The following FER variants were observed in gnomAD, a reference collection of about 807,000 sequenced individuals.
FER encodes the protein FER tyrosine kinase, also known as tyrosine-protein kinase Fer.
FER carries 63 observed loss-of-function variants against 111.0 expected under a neutral mutation model. That is an observed-to-expected ratio of 0.57 (90% confidence interval 0.46 to 0.70). The LOEUF (loss-of-function observed/expected upper bound fraction) is 0.70. Among genes scored for constraint, FER ranks in the 30% least tolerant of loss-of-function variants. FER has a pLI of 0.00. For synonymous variants in FER, 327 were observed against 313.9 expected, an observed-to-expected ratio of 1.04 and a Z score of -0.44; for missense variants, 914 against 954.0, an observed-to-expected ratio of 0.96 and a Z score of 0.55.
chr5:109,091,281 T>C (rs548968199), intron 16 of FER, among the ~76,000 whole-genome samples: 59 of 152,316 alleles, frequency 3.9e-4, no homozygotes, highest in Admixed American at 1.5e-3. Context: ...CCAGGGATGC[T>C]TCAAGTTTCT....
Position 109,192,086 on chromosome 5 carries a change from TTAA to T in FER, c.*4515_*4517del, listed in dbSNP as rs1759424033. The T allele has an allele frequency of 5.3e-5, 8 of 151,926 alleles. No homozygotes were observed. In the South Asian group the frequency reaches 1.2e-3, roughly 24 times the overall value. The allele number at this position is 151,926 out of a possible 1,614,324, so 9.4% of individuals were successfully genotyped here. On this transcript the variant is annotated 3_prime_UTR_variant, in exon 20 of 20. Coordinates refer to ENST00000281092, the MANE Select transcript of FER (RefSeq NM_005246.4). Reference sequence around the variant, plus strand: ...TAGGCATTAGGAATCACTTAGCCACTTAATAAGGACTGAGATTCTTGGGTGGCA... The same window carrying T: ...TAGGCATTAGGAATCACTTAGCCACTTAAGGACTGAGATTCTTGGGTGGCA...
intron 17 of FER, among the ~76,000 whole-genome samples, chr5:109,126,192 A>G (rs1751696126): frequency 1.3e-5 from 2 of 152,212 alleles, no homozygotes; most frequent in South Asian, 4.1e-4. Context: ...GTAGGGTGAG[A>G]TAGCTGCTTA....
intron 16 of FER, among the ~76,000 whole-genome samples, chr5:109,089,493 T>G (rs1318450209): frequency 1.3e-5 from 2 of 152,024 alleles, no homozygotes; most frequent in Non-Finnish European, 2.9e-5. Context: ...AAGTCAAAAG[T>G]GAGAAAGGAG....
chr5:108,799,298 G>T (rs1373253542), intron 3 of FER, among the ~76,000 whole-genome samples: 2 of 152,116 alleles, frequency 1.3e-5, no homozygotes, highest in Non-Finnish European at 2.9e-5. Context: ...TTCTTGCTTT[G>T]TTACTTCCAG....
intron 17 of FER, among the ~76,000 whole-genome samples, chr5:109,155,983 T>G (rs1361741713): frequency 2.0e-5 from 3 of 151,808 alleles, no homozygotes; most frequent in African/African-American, 7.3e-5. Context: ...AAGTGGCAAA[T>G]AAGAGAAAGT....
chr5:109,059,517 A>G (rs890719067), intron 16 of FER, among the ~76,000 whole-genome samples: 4 of 151,998 alleles, frequency 2.6e-5, no homozygotes, highest in African/African-American at 9.7e-5. Context: ...ACAGAGTGAG[A>G]CTCCATCTCA....
At chr5:109,186,152 A>G (rs763900081) in intron 18 of FER, 48 bp from the exon 19 acceptor site, 4 of 1,613,676 alleles carry the variant, frequency 2.5e-6, no homozygotes, top group Non-Finnish European at 3.4e-6. Context: ...AGGGTCACCT[A>G]CTTGTCTACT....
chr5:108,916,794 T>C (rs528768012), intron 10 of FER, among the ~76,000 whole-genome samples: 174 of 152,280 alleles, frequency 1.1e-3, no homozygotes, highest in Middle Eastern at 3.4e-3. Context: ...ATTCAAATAA[T>C]CATGAAAACT....
chr5:108,977,829 A>G (rs1417592207), intron 13 of FER, among the ~76,000 whole-genome samples: 2 of 152,098 alleles, frequency 1.3e-5, no homozygotes, highest in African/African-American at 4.8e-5. Context: ...GACACTTGTG[A>G]AGCGACTCCT....
At chr5:109,030,408 T>A (rs770291551) in intron 13 of FER, among the ~76,000 whole-genome samples, 4 of 152,352 alleles carry the variant, frequency 2.6e-5, no homozygotes, top group Non-Finnish European at 4.4e-5. Context: ...ATCTATTATG[T>A]TAGGACATCT....
intron 17 of FER, among the ~76,000 whole-genome samples, chr5:109,163,680 C>T (rs187328844): frequency 4.6e-5 from 7 of 152,028 alleles, no homozygotes; most frequent in Admixed American, 2.0e-4. Context: ...CTCCTGCGCT[C>T]GATCCTCCTG....
intron 2 of FER, among the ~76,000 whole-genome samples, chr5:108,776,222 T>C (rs1225536439): frequency 6.6e-6 from 1 of 152,166 alleles, no homozygotes. Context: ...GAAGGATTTC[T>C]TATTTCTGTT....
chr5:108,998,688 G>T (rs1235396280), intron 13 of FER, among the ~76,000 whole-genome samples: 1 of 152,026 alleles, frequency 6.6e-6, no homozygotes, highest in Admixed American at 6.5e-5. Flanking sequence ...TTTTATCGAA[G>T]GCCTTTTCTG....
Position 108,808,370 on chromosome 5 carries a change from A to AT in FER, c.207+9990dup, listed in dbSNP as rs762382920. Among the ~76,000 whole-genome samples the AT allele has an allele frequency of 2.9e-4, 43 of 148,802 alleles. No homozygotes were observed. In the East Asian group the frequency reaches 4.1e-3, roughly 14 times the overall value. On this transcript the variant is annotated intron_variant, in intron 3 of 19. Coordinates refer to ENST00000281092, the MANE Select transcript of FER (RefSeq NM_005246.4). Reference sequence around the variant, plus strand: ...TTAGTATCATTATTACTTCTTGTCCATTTTTTTTTGTTGGTCCAACATTTG... The same window carrying AT: ...TTAGTATCATTATTACTTCTTGTCCATTTTTTTTTTGTTGGTCCAACATTTG...
rs1241838361 is a variant in FER, at chr5:109,034,881, G to A, written c.1657-2541G>A. On this transcript the variant is annotated intron_variant, in intron 13 of 19. Transcript: ENST00000281092. ...TTTGCTTATATATAGGGTTTGGGGTGGAGAATTAAACCCCAGAACTGCTAA... is the reference window on the plus strand; with the variant it reads ...TTTGCTTATATATAGGGTTTGGGGTAGAGAATTAAACCCCAGAACTGCTAA... 2.6e-5 allele frequency among the ~76,000 whole-genome samples: 4 copies of A among 151,818 alleles called. No individual in the cohort carries two copies. In the East Asian group the frequency reaches 5.8e-4, roughly 22 times the overall value.
At chr5:108,788,725 A>G (rs1755028388) in intron 2 of FER, among the ~76,000 whole-genome samples, 1 of 152,080 alleles carries the variant, frequency 6.6e-6, no homozygotes, top group Non-Finnish European at 1.5e-5. Flanking sequence ...GTCACCTTTA[A>G]GTAATTGACT....
chr5:108,866,150 G>A (rs750748799), intron 5 of FER, among the ~76,000 whole-genome samples: 19 of 152,132 alleles, frequency 1.2e-4, no homozygotes, highest in Non-Finnish European at 2.4e-4. Flanking sequence ...TGTTTATTGC[G>A]GTACTATTCA....
At position 109,082,258 on chromosome 5, in the gene FER, C is replaced by A. The variant is rs146676367; in HGVS notation, c.1925-18138C>A. On this transcript the variant is annotated intron_variant, in intron 16 of 19. Coordinates refer to ENST00000281092, the MANE Select transcript of FER (RefSeq NM_005246.4). ...TTTTGTGAGATGGCTAGCTGAAGAG[C>A]TTACTGTGTGACCTGAGTGGCTGCA... 7.9e-3 allele frequency among the ~76,000 whole-genome samples: 1,197 copies of A among 152,134 alleles called. 13 individuals are homozygous for A. The highest frequency in any genetic ancestry group is 0.028 in the African/African-American group (1,159 of 41,512).
intron 17 of FER, among the ~76,000 whole-genome samples, chr5:109,138,944 A>G (rs2126622688): frequency 6.6e-6 from 1 of 152,360 alleles, no homozygotes; most frequent in South Asian, 2.1e-4. Context: ...GTACATTTCT[A>G]ACAGAAGTAG....
Sources: gnomAD v4.1 joint callset for allele counts (sites outside exome capture counted in the v4.1 genomes callset) on GRCh38, gnomAD v4.1.1 for gene constraint, MANE v1.5 for transcripts, NCBI Gene and HGNC (gene_info 2026-07-23, HGNC 2026-07-21) for gene names.